The following VAPB variants were observed in gnomAD, a reference collection of about 807,000 sequenced individuals.
VAPB encodes vesicle-associated membrane protein-associated protein B/C.
A neutral mutation model predicts 25.6 loss-of-function variants in VAPB; 7 were observed. The observed-to-expected ratio is 0.27, with a 90% CI of 0.16 to 0.51. VAPB has a LOEUF of 0.51. VAPB is among the 20% of genes least tolerant of loss of function. VAPB has a pLI of 0.97. For missense variants in VAPB, 266 were observed against 301.3 expected, an observed-to-expected ratio of 0.88 and a Z score of 0.87; for synonymous variants, 112 against 109.2, an observed-to-expected ratio of 1.03 and a Z score of -0.16.
rs569381773 is a variant in VAPB, at chr20:58,404,190, A to G, written c.59-14021A>G. On this transcript the variant is annotated intron_variant, in intron 1 of 5. Transcript: ENST00000475243. ...TGATATCATTTCTTGGTTTAAAAAC[A>G]TTCATTGGCTCTCTAGATCTTACGG... 3.9e-5 allele frequency among the ~76,000 whole-genome samples: 6 copies of G among 152,330 alleles called. No homozygotes were observed. The South Asian group carries it at 1.2e-3, about 32-fold the overall frequency.
At chr20:58,411,362 A>G (rs1600786944) in intron 1 of VAPB, among the ~76,000 whole-genome samples, 1 of 152,150 alleles carries the variant, frequency 6.6e-6, no homozygotes, top group African/African-American at 2.4e-5. Flanking sequence ...GCTCACTGCA[A>G]CCTCTGCCTC....
intron 1 of VAPB, among the ~76,000 whole-genome samples, chr20:58,395,865 A>G (rs1987947286): frequency 6.6e-6 from 1 of 152,226 alleles, no homozygotes; most frequent in Non-Finnish European, 1.5e-5. Context: ...GAGCTTTGGT[A>G]TGGAAACAAA....
intron 2 of VAPB, among the ~76,000 whole-genome samples, chr20:58,423,448 AAG>A (rs1988718275): frequency 3.5e-5 from 5 of 140,970 alleles, no homozygotes; most frequent in Non-Finnish European, 6.2e-5. Flanking sequence ...AAAAAAAAAA[AAG>A]AAAAGAAAAA....
At chr20:58,406,460 C>T (rs899184060) in intron 1 of VAPB, among the ~76,000 whole-genome samples, 8 of 152,216 alleles carry the variant, frequency 5.3e-5, no homozygotes, top group Non-Finnish European at 1.5e-5. Context: ...GGTATAGCCA[C>T]TTAGGTTCTT....
chr20:58,406,606 G>A (rs774171721), intron 1 of VAPB, among the ~76,000 whole-genome samples: 1 of 152,202 alleles, frequency 6.6e-6, no homozygotes, highest in African/African-American at 2.4e-5. Flanking sequence ...CCCCTGTTCT[G>A]TATCTGGTGT....
chr20:58,424,198 G>A (rs1429377815), intron 2 of VAPB, among the ~76,000 whole-genome samples: 2 of 152,120 alleles, frequency 1.3e-5, no homozygotes, highest in African/African-American at 4.8e-5. Flanking sequence ...ATGGGTCCTT[G>A]CATACTTACA....
chr20:58,420,188 T>G (rs1988639538), intron 2 of VAPB, among the ~76,000 whole-genome samples: 1 of 152,180 alleles, frequency 6.6e-6, no homozygotes, highest in Non-Finnish European at 1.5e-5. Flanking sequence ...TTTCACCATG[T>G]TGGCTAGGCT....
In VAPB at chr20:58,446,317, C is replaced by A. The variant is rs1262265900; in HGVS notation, c.*2082C>A. On this transcript the variant is annotated 3_prime_UTR_variant, in exon 6 of 6. Transcript: ENST00000475243. ...GACTAAAATTTACTAATTGTAGTTGCTGCAGCCAGTTAAGTCCTGTAGCTT... is the reference window on the plus strand; with the variant it reads ...GACTAAAATTTACTAATTGTAGTTGATGCAGCCAGTTAAGTCCTGTAGCTT... 1 of 453,978 alleles carries A rather than the reference C, an allele frequency of 2.2e-6. No individual in the cohort carries two copies. The highest frequency in any genetic ancestry group is 2.4e-5 in the Admixed American group (1 of 42,548). 28.1% of individuals were successfully genotyped at this position (453,978 alleles called of 1,614,324 possible). A position where few individuals can be genotyped will look rare whatever the true frequency, so the allele number is the denominator to read the frequency against.
At chr20:58,393,976 C>T (rs555377154) in intron 1 of VAPB, among the ~76,000 whole-genome samples, 29 of 152,348 alleles carry the variant, frequency 1.9e-4, no homozygotes, top group African/African-American at 6.3e-4. Context: ...AGGTGATCCA[C>T]CCACCTCGGC....
At chr20:58,435,958 T>C (rs1329089070) in intron 3 of VAPB, among the ~76,000 whole-genome samples, 1 of 152,128 alleles carries the variant, frequency 6.6e-6, no homozygotes, top group African/African-American at 2.4e-5. Flanking sequence ...GCTGAGTTCT[T>C]CCTTTTACTG....
chr20:58,411,836 G>A (rs538306744), intron 1 of VAPB, among the ~76,000 whole-genome samples: 3 of 152,026 alleles, frequency 2.0e-5, no homozygotes, highest in African/African-American at 7.2e-5. Context: ...CCACCACCAC[G>A]CCCGGCTAAT....
At chr20:58,390,730 C>T (rs1987775422) in intron 1 of VAPB, among the ~76,000 whole-genome samples, 1 of 152,168 alleles carries the variant, frequency 6.6e-6, no homozygotes, top group African/African-American at 2.4e-5. Context: ...TGGCCAGAGG[C>T]TCTCCAGTTT....
intron 2 of VAPB, among the ~76,000 whole-genome samples, chr20:58,432,986 G>T (rs1988959623): frequency 6.6e-6 from 1 of 152,240 alleles, no homozygotes; most frequent in Non-Finnish European, 1.5e-5. Context: ...CTTGTGGGCA[G>T]TGAAGCTGTC....
At chr20:58,411,404 C>T (rs1988374330) in intron 1 of VAPB, among the ~76,000 whole-genome samples, 1 of 152,232 alleles carries the variant, frequency 6.6e-6, no homozygotes, top group Admixed American at 6.5e-5. Flanking sequence ...GCCTCAGCCT[C>T]CCCAGTAGCT....
At chr20:58,391,062 G>T (rs928205637) in intron 1 of VAPB, among the ~76,000 whole-genome samples, 3 of 152,214 alleles carry the variant, frequency 2.0e-5, no homozygotes, top group African/African-American at 7.2e-5. Context: ...GCCAGATTGG[G>T]AAAGAAGTCC....
At chr20:58,414,835 G>A (rs1040138333) in intron 1 of VAPB, among the ~76,000 whole-genome samples, 1 of 152,254 alleles carries the variant, frequency 6.6e-6, no homozygotes, top group Non-Finnish European at 1.5e-5. Context: ...CGGCCGGGCA[G>A]AGGCTGCAAT....
At chr20:58,443,992 A>G in intron 5 of VAPB, 85 bp from the exon 6 acceptor site, 1 of 1,589,576 alleles carries the variant, frequency 6.3e-7, no homozygotes, top group Non-Finnish European at 8.6e-7. Context: ...CACTGGGCAT[A>G]AACAGCCCAT....
At chr20:58,404,384 A>G (rs1171039980) in intron 1 of VAPB, among the ~76,000 whole-genome samples, 1 of 152,054 alleles carries the variant, frequency 6.6e-6, no homozygotes, top group African/African-American at 2.4e-5. Flanking sequence ...CTTTCACCCA[A>G]GTTCCCTACA....
intron 5 of VAPB, among the ~76,000 whole-genome samples, chr20:58,442,286 G>A (rs566244741): frequency 3.9e-5 from 6 of 152,310 alleles, no homozygotes; most frequent in Non-Finnish European, 8.8e-5. Flanking sequence ...AATTTCTTTA[G>A]TGTGTAGTAA....
Sources: gnomAD v4.1 joint callset for allele counts (sites outside exome capture counted in the v4.1 genomes callset) on GRCh38, gnomAD v4.1.1 for gene constraint, MANE v1.5 for transcripts, NCBI Gene and HGNC (gene_info 2026-07-23, HGNC 2026-07-21) for gene names.